RIMS2: variants seen among roughly 807,000 people sequenced by gnomAD.
RIMS2 encodes the protein regulating synaptic membrane exocytosis 2, also known as regulating synaptic membrane exocytosis protein 2.
Under a neutral mutation model 174.4 loss-of-function variants are expected in RIMS2, and 59 were observed. That is an observed-to-expected ratio of 0.34 (90% CI 0.27 to 0.42). The LOEUF (loss-of-function observed/expected upper bound fraction) is 0.42, where lower values mean the gene tolerates loss of function less well. RIMS2 is among the 10% of genes least tolerant of loss of function. The pLI, the probability that RIMS2 is intolerant of heterozygous loss-of-function variation, is 1.00. For missense variants in RIMS2, 1,620 were observed against 1,666.3 expected, an observed-to-expected ratio of 0.97 and a Z score of 0.48; for synonymous variants, 606 against 572.5, an observed-to-expected ratio of 1.06 and a Z score of -0.84.
intron 19 of RIMS2, among the ~76,000 whole-genome samples, chr8:104,242,062 C>T (rs2099302321): frequency 6.6e-6 from 1 of 151,952 alleles, no homozygotes; most frequent in Non-Finnish European, 1.5e-5. Context: ...GCCCAGCCTA[C>T]TTTTTGATAT....
chr8:103,812,338 T>G (rs1042387907), intron 3 of RIMS2, among the ~76,000 whole-genome samples: 4 of 146,430 alleles, frequency 2.7e-5, no homozygotes, highest in Admixed American at 6.9e-5. Flanking sequence ...CTTGTTTTTT[T>G]TTTTTTTTTT....
At chr8:103,814,873 T>C (rs983127496) in intron 3 of RIMS2, among the ~76,000 whole-genome samples, 2 of 152,156 alleles carry the variant, frequency 1.3e-5, no homozygotes, top group Non-Finnish European at 2.9e-5. Flanking sequence ...TATACTGATA[T>C]AGAAGGGGAG....
At position 104,251,088 on chromosome 8, in the gene RIMS2, G is replaced by T. The variant is rs1188145786; in HGVS notation, c.3756G>T (p.Val1252=). ...GCATAGCCAAAAAGAAAACAAAAGT[G>T]GCAAGAAAAACGCTGGAACCCCTTT... The change falls in exon 23 of 24, where the codon GTG becomes GTT. Residue 1252 remains valine, a synonymous_variant. Transcript: ENST00000504942. 5.0e-6 allele frequency: 8 copies of T among 1,613,500 alleles called. No individual in the cohort carries two copies. In the East Asian group the frequency reaches 1.8e-4, roughly 36 times the overall value.
At position 104,088,723 on chromosome 8, in the gene RIMS2, G is replaced by A. The variant is rs576630212; in HGVS notation, c.3334+74108G>A. Among the ~76,000 whole-genome samples the A allele has an allele frequency of 2.6e-4, 40 of 152,100 alleles. 1 individual carries two copies. In the South Asian group the frequency reaches 8.3e-3, roughly 32 times the overall value. On this transcript the variant is annotated intron_variant, in intron 19 of 23. Transcript: ENST00000504942. ...CAACCAGAGTTCTTGAGGTGCTTTA[G>A]CAAAATCAGAGTTGGAAATGGCCAA...
intron 15 of RIMS2, among the ~76,000 whole-genome samples, chr8:103,961,862 G>A (rs1378454891): frequency 6.6e-6 from 1 of 152,058 alleles, no homozygotes; most frequent in Admixed American, 6.6e-5. Context: ...TTTTTGTTAA[G>A]AGTCAGTTAG....
At chr8:104,076,313 G>T (rs1164485922) in intron 19 of RIMS2, among the ~76,000 whole-genome samples, 2 of 151,026 alleles carry the variant, frequency 1.3e-5, no homozygotes, top group Non-Finnish European at 3.0e-5. Flanking sequence ...CCCTTCTATA[G>T]TTTTTTTTTG....
Position 103,623,741 on chromosome 8 carries a change from G to A in RIMS2, c.177-73345G>A, listed in dbSNP as rs373664053. Among the ~76,000 whole-genome samples the A allele has an allele frequency of 4.0e-5, 6 of 151,414 alleles. No individual in the cohort carries two copies. In the East Asian group the frequency reaches 7.8e-4, roughly 20 times the overall value. On this transcript the variant is annotated intron_variant, in intron 1 of 23. Coordinates refer to ENST00000504942, the Ensembl canonical transcript of RIMS2. The stretch of plus-strand genomic sequence containing the variant: ...CCTGACCTCGTGATCCGCCCGCTTC[G>A]GCCTCCCAAAGTGCTGGGATTACAG...
At chr8:103,554,842 T>C (rs1468354071) in intron 1 of RIMS2, among the ~76,000 whole-genome samples, 2 of 152,058 alleles carry the variant, frequency 1.3e-5, no homozygotes, top group African/African-American at 4.8e-5. Context: ...TAACATGAAA[T>C]AGTATGCAGC....
At chr8:104,203,182 G>A (rs2099063197) in intron 19 of RIMS2, among the ~76,000 whole-genome samples, 1 of 151,888 alleles carries the variant, frequency 6.6e-6, no homozygotes, top group African/African-American at 2.4e-5. Context: ...AAAATATCAA[G>A]TTATTTTATC....
At chr8:103,707,361 C>G (rs2097245367) in intron 2 of RIMS2, among the ~76,000 whole-genome samples, 1 of 152,178 alleles carries the variant, frequency 6.6e-6, no homozygotes, top group Non-Finnish European at 1.5e-5. Flanking sequence ...GCATTGAAGA[C>G]TTTAAGTATT....
At chr8:104,180,641 T>C (rs150513234) in intron 19 of RIMS2, among the ~76,000 whole-genome samples, 45 of 151,880 alleles carry the variant, frequency 3.0e-4, no homozygotes, top group African/African-American at 9.4e-4. Flanking sequence ...ATTTGTACTG[T>C]TGCTTTGTAG....
intron 1 of RIMS2, among the ~76,000 whole-genome samples, chr8:103,576,033 A>T (rs1384419514): frequency 6.6e-6 from 1 of 152,172 alleles, no homozygotes; most frequent in Non-Finnish European, 1.5e-5. Context: ...CCAAACACAA[A>T]GTGGGAGGGC....
intron 19 of RIMS2, among the ~76,000 whole-genome samples, chr8:104,142,633 T>G (rs145169589): frequency 1.5e-3 from 235 of 152,336 alleles, no homozygotes; most frequent in African/African-American, 5.1e-3. Context: ...AAGTAAGCAG[T>G]GACCTACCTT....
exon 18 of RIMS2, chr8:104,013,562 G>A (rs2095822588): frequency 6.2e-7 from 1 of 1,613,704 alleles, no homozygotes. Context: ...CAAACCTCAT[G>A]AGGTCGATGC....
chr8:103,584,999 T>A (rs1243634450), intron 1 of RIMS2, among the ~76,000 whole-genome samples: 3 of 152,184 alleles, frequency 2.0e-5, no homozygotes, highest in African/African-American at 7.2e-5. Flanking sequence ...ACACTTTACT[T>A]ATAAAGACAC....
intron 11 of RIMS2, among the ~76,000 whole-genome samples, chr8:103,930,254 G>T (rs1031834882): frequency 6.6e-6 from 1 of 151,986 alleles, no homozygotes; most frequent in Non-Finnish European, 1.5e-5. Flanking sequence ...AAGTTGCTCG[G>T]TGTCTCATAC....
At chr8:104,100,951 A>ATATATGC (rs2097870216) in intron 19 of RIMS2, among the ~76,000 whole-genome samples, 2 of 33,590 alleles carry the variant, frequency 6.0e-5, no homozygotes, top group African/African-American at 4.3e-4. Context: ...ATTATATAGT[A>ATATATGC]TATATGATAT....
chr8:103,626,665 A>G (rs1564074352), intron 1 of RIMS2, among the ~76,000 whole-genome samples: 1 of 152,154 alleles, frequency 6.6e-6, no homozygotes, highest in South Asian at 2.1e-4. Flanking sequence ...GGTTCTTTCT[A>G]TTTTCCCTAA....
intron 1 of RIMS2, among the ~76,000 whole-genome samples, chr8:103,660,889 G>A (rs2096592227): frequency 6.6e-6 from 1 of 152,106 alleles, no homozygotes; most frequent in Non-Finnish European, 1.5e-5. Context: ...TAAAACTTAA[G>A]TAAAACTTAT....
Sources: allele counts gnomAD v4.1 joint callset (sites outside exome capture counted in the v4.1 genomes callset), GRCh38; gene constraint gnomAD v4.1.1; transcripts MANE v1.5; gene names NCBI Gene and HGNC (gene_info 2026-07-23, HGNC 2026-07-21).